Variants in B4GALT6 observed in about 807,000 individuals in gnomAD.
The protein encoded by B4GALT6 is beta-1,4-galactosyltransferase 6, also known as UDP-Gal:beta-GlcNAc beta-1,4-galactosyltransferase 6.
B4GALT6 carries 14 observed loss-of-function variants against 46.3 expected under a neutral mutation model. That is an observed-to-expected ratio of 0.30 (90% confidence interval 0.20 to 0.47). The LOEUF is 0.47. B4GALT6 is among the 20% of genes least tolerant of loss of function. B4GALT6 has a pLI of 0.99. For synonymous variants in B4GALT6, 168 were observed against 162.0 expected, an observed-to-expected ratio of 1.04 and a Z score of -0.28; for missense variants, 386 against 480.1, an observed-to-expected ratio of 0.80 and a Z score of 1.83.
At chr18:31,669,245 TCTC>T (rs2074321313) in intron 1 of B4GALT6, among the ~76,000 whole-genome samples, 1 of 152,200 alleles carries the variant, frequency 6.6e-6, no homozygotes, top group Admixed American at 6.5e-5. Context: ...AATTTTCGAA[TCTC>T]TTCTACTTTT....
the B4GALT6 span, among the ~76,000 whole-genome samples, chr18:31,707,579 C>A: frequency 6.6e-6 from 1 of 152,058 alleles, no homozygotes; most frequent in South Asian, 2.1e-4. Context: ...AGAGTCAGCT[C>A]AAGGAGAAGA....
At chr18:31,688,950 A>G (rs553978964), upstream of B4GALT6, among the ~76,000 whole-genome samples, 8 of 152,292 alleles carry the variant, frequency 5.3e-5, no homozygotes, top group African/African-American at 1.7e-4. Flanking sequence ...AGAAATAAAT[A>G]TATGTAATCC....
chr18:31,635,778 A>G (rs960954753), intron 5 of B4GALT6, among the ~76,000 whole-genome samples: 35 of 152,218 alleles, frequency 2.3e-4, no homozygotes, highest in Non-Finnish European at 2.5e-4. Flanking sequence ...AGATCGTGCT[A>G]TCGCACTCCA....
upstream of B4GALT6, among the ~76,000 whole-genome samples, chr18:31,690,455 GT>G (rs1174784162): frequency 1.3e-5 from 2 of 149,760 alleles, no homozygotes; most frequent in Non-Finnish European, 3.0e-5. Context: ...ATATTTTGTT[GT>G]TTTTGTTTTG....
intron 3 of B4GALT6, among the ~76,000 whole-genome samples, chr18:31,654,159 A>G (rs1357240237): frequency 2.0e-5 from 3 of 152,228 alleles, no homozygotes; most frequent in Non-Finnish European, 4.4e-5. Context: ...AGAATATATA[A>G]AGGTCACTGC....
At chr18:31,631,178 A>G in intron 5 of B4GALT6, 32 bp from the exon 6 acceptor site, 1 of 1,554,934 alleles carries the variant, frequency 6.4e-7, no homozygotes. Context: ...AAAAAAATAG[A>G]AATGTACTCA....
chr18:31,631,671 T>G (rs575723054), intron 5 of B4GALT6, among the ~76,000 whole-genome samples: 1 of 152,148 alleles, frequency 6.6e-6, no homozygotes, highest in East Asian at 1.9e-4. Flanking sequence ...GAGCTTTCCA[T>G]ATGCTGTCAA....
the B4GALT6 span, among the ~76,000 whole-genome samples, chr18:31,712,284 G>GTTTTTT: frequency 1.2e-4 from 11 of 88,272 alleles, no homozygotes; most frequent in African/African-American, 2.0e-4. Context: ...CTACTGGGAC[G>GTTTTTT]TTATTTTTTT....
At chr18:31,654,486 A>C (rs969469829) in intron 3 of B4GALT6, among the ~76,000 whole-genome samples, 3 of 152,252 alleles carry the variant, frequency 2.0e-5, no homozygotes, top group African/African-American at 7.2e-5. Flanking sequence ...TATACATATT[A>C]AAATAGGCTT....
At chr18:31,644,428 C>T (rs926440720) in intron 4 of B4GALT6, among the ~76,000 whole-genome samples, 1 of 151,878 alleles carries the variant, frequency 6.6e-6, no homozygotes, top group Non-Finnish European at 1.5e-5. Flanking sequence ...GATTTTCCTT[C>T]CTACTAGTGG....
chr18:31,691,410 CA>C, the B4GALT6 span, among the ~76,000 whole-genome samples: 1 of 146,842 alleles, frequency 6.8e-6, no homozygotes. Flanking sequence ...AGCATATTAT[CA>C]AAAGAGCCAT....
chr18:31,681,160 GA>G (rs2074475695), intron 1 of B4GALT6, among the ~76,000 whole-genome samples: 1 of 152,200 alleles, frequency 6.6e-6, no homozygotes, highest in Non-Finnish European at 1.5e-5. Flanking sequence ...ATTGTTGAAT[GA>G]ACTTGTAAGT....
chr18:31,724,182 G>T, the B4GALT6 span: 1 of 253,378 alleles, frequency 3.9e-6, no homozygotes, highest in African/African-American at 2.3e-5. Flanking sequence ...AGGACGGGAT[G>T]GGGCGCGCGG....
chr18:31,661,965 C>T (rs957722375), intron 2 of B4GALT6, among the ~76,000 whole-genome samples: 5 of 152,204 alleles, frequency 3.3e-5, no homozygotes, highest in South Asian at 2.1e-4. Context: ...CTCTTAGCCA[C>T]ATGCTATGAT....
chr18:31,689,526 C>T (rs983854381), upstream of B4GALT6, among the ~76,000 whole-genome samples: 14 of 152,008 alleles, frequency 9.2e-5, no homozygotes, highest in African/African-American at 2.9e-4. Context: ...GGGTGGATCA[C>T]GAGATCAGGA....
chr18:31,698,734 C>T, the B4GALT6 span, among the ~76,000 whole-genome samples: 1 of 151,494 alleles, frequency 6.6e-6, no homozygotes, highest in Non-Finnish European at 1.5e-5. Context: ...GAAAGGAAAG[C>T]ATCTTAAGGG....
intron 3 of B4GALT6, among the ~76,000 whole-genome samples, chr18:31,647,805 T>C (rs1200215974): frequency 1.3e-5 from 2 of 152,052 alleles, no homozygotes; most frequent in Admixed American, 1.3e-4. Context: ...GGAAGAAGTA[T>C]GCTGCAGATA....
intron 1 of B4GALT6, among the ~76,000 whole-genome samples, chr18:31,673,114 G>C (rs1361306031): frequency 2.6e-5 from 4 of 152,164 alleles, no homozygotes; most frequent in African/African-American, 9.7e-5. Context: ...GGCACTAAAA[G>C]AAGCAAGAGG....
At chr18:31,700,868 C>G in the B4GALT6 span, among the ~76,000 whole-genome samples, 1 of 152,118 alleles carries the variant, frequency 6.6e-6, no homozygotes, top group Non-Finnish European at 1.5e-5. Flanking sequence ...AGACCCACCC[C>G]ACACCCATTT....
Sources: gnomAD v4.1 joint callset for allele counts (sites outside exome capture counted in the v4.1 genomes callset) on GRCh38, gnomAD v4.1.1 for gene constraint, MANE v1.5 for transcripts, NCBI Gene and HGNC (gene_info 2026-07-23, HGNC 2026-07-21) for gene names.